TNP2: variants seen among roughly 807,000 people sequenced by gnomAD.
The protein encoded by TNP2 is nuclear transition protein 2.
A neutral mutation model predicts 8.5 loss-of-function variants in TNP2; 10 were observed. The observed-to-expected ratio is 1.17, with a 90% CI of 0.72 to 1.99. TNP2 has a LOEUF of 1.99. Ranked by LOEUF, TNP2 falls within the 30% of genes most tolerant of loss-of-function variation. TNP2 has a pLI of 0.00. For synonymous variants in TNP2, 80 were observed against 62.3 expected (o/e 1.28, Z -1.34); for missense variants, 222 against 181.2 (o/e 1.23, Z -1.29).
chr16:11,268,735 C>A, intron 1 of TNP2, 128 bp downstream of exon 1: 2 of 977,994 alleles, frequency 2.0e-6, no homozygotes, highest in Non-Finnish European at 1.4e-6. Context: ...CATTGTTTCT[C>A]TTCTCCCTCT....
At position 11,269,036 on chromosome 16, in the gene TNP2, C is replaced by G. The variant is rs2069749986; in HGVS notation, c.227G>C (p.Ser76Thr). ...CTTTTTGTGGCGCTTTGGTGGTGGA[C>G]TAGTGTTGGGACTCTGGCTCTGGTG... is the stretch of plus-strand genomic sequence containing the variant. Reference protein sequence around the residue: ...SGHQSQSPNTSPPPKRHKKTM... With the variant: ...SGHQSQSPNTTPPPKRHKKTM... The change falls in exon 1 of 2, where the codon AGT becomes ACT. Residue 76 changes from serine (S) to threonine (T), a missense_variant. By Grantham distance (58) the Ser-to-Thr change is moderately conservative. Transcript: ENST00000312693. 1 of 1,613,810 alleles carries G rather than the reference C, an allele frequency of 6.2e-7. No homozygotes were observed. The highest frequency in any genetic ancestry group is 8.5e-7 in the Non-Finnish European group (1 of 1,179,860).
chr16:11,268,202 C>A lies in TNP2; in HGVS notation c.401-190G>T. 2.4e-5 allele frequency: 13 copies of A among 548,942 alleles called. No homozygotes were observed. In the South Asian group the frequency reaches 3.0e-4, roughly 13 times the overall value. The allele number at this position is 548,942 out of a possible 1,614,324, so 34.0% of individuals were successfully genotyped here. A position where few individuals can be genotyped will look rare whatever the true frequency, so the allele number is the denominator to read the frequency against. On this transcript the variant is annotated intron_variant, in intron 1 of 1. Transcript: ENST00000312693. ...CAGGTATCCATCCATTTATCCCTTC[C>A]ATTTGTCATCCACCCATTCATTAGT...
chr16:11,268,351 T>C (rs2069736763), intron 1 of TNP2: 2 of 274,822 alleles, frequency 7.3e-6, no homozygotes, highest in Non-Finnish European at 1.4e-5. Flanking sequence ...ATTTAACCAA[T>C]CAAACCAACC....
chr16:11,267,923 G>C lies in TNP2; in HGVS notation c.*73C>G. 1 of 1,509,802 alleles carries C rather than the reference G, an allele frequency of 6.6e-7. No individual in the cohort carries two copies. Among genetic ancestry groups the C allele is most frequent in the African/African-American group, 1.4e-5 (1 of 72,980 alleles). 93.5% of individuals were successfully genotyped at this position (1,509,802 alleles called of 1,614,324 possible). A position where few individuals can be genotyped will look rare whatever the true frequency, so the allele number is the denominator to read the frequency against. ...TCACCATAGTAACATGTTCCTGCAA[G>C]AAGATTGACTTCATCCTAGCATTTT... On this transcript the variant is annotated 3_prime_UTR_variant, in exon 2 of 2. Transcript: ENST00000312693.
At chr16:11,268,759 T>G (rs748931720) in intron 1 of TNP2, 104 bp downstream of exon 1, 86 of 1,236,706 alleles carry the variant, frequency 7.0e-5, no homozygotes, top group Admixed American at 9.7e-5. Flanking sequence ...TTCTTGCCTG[T>G]GGTTCCTTTG....
chr16:11,268,768 T>G (rs2069743717), intron 1 of TNP2, 95 bp downstream of exon 1: 1 of 1,355,058 alleles, frequency 7.4e-7, no homozygotes, highest in South Asian at 1.6e-5. Flanking sequence ...GTGGTTCCTT[T>G]GTGACCTGGC....
intron 1 of TNP2, chr16:11,268,570 G>T: frequency 2.3e-6 from 1 of 433,758 alleles, no homozygotes; most frequent in Non-Finnish European, 4.1e-6. Flanking sequence ...CCTATTTATT[G>T]TTTACCCACC....
Position 11,268,946 on chromosome 16 carries a change from C to G in TNP2, c.317G>C (p.Arg106Thr). 1 of 1,611,586 alleles carries G rather than the reference C, an allele frequency of 6.2e-7. No homozygotes were observed. Among genetic ancestry groups the G allele is most frequent in the Non-Finnish European group, 8.5e-7 (1 of 1,179,248 alleles). ...TILHCRCPKNRKNLEGKLKKK... is the reference protein window; with the variant it reads ...TILHCRCPKNTKNLEGKLKKK... ...TTTCAGCTTGCCTTCCAAGTTCTTT[C>G]TGTTCTTGGGGCAGCGGCAGTGCAG... Residue 106 changes from arginine to threonine, a missense_variant, in exon 1 of 2, where the codon AGA becomes ACA. Physicochemically the swap from Arg to Thr is moderately conservative, Grantham distance 71. Coordinates refer to ENST00000312693, the MANE Select transcript of TNP2 (RefSeq NM_005425.5).
At chr16:11,268,720 A>C in intron 1 of TNP2, 143 bp downstream of exon 1, 2 of 858,570 alleles carry the variant, frequency 2.3e-6, no homozygotes, top group South Asian at 2.2e-5. Flanking sequence ...CAGCTAGCCA[A>C]CTGCCATTGT....
In TNP2 at chr16:11,269,071, G is replaced by A; in HGVS notation, c.192C>T (p.Ser64=). The A allele has an allele frequency of 1.2e-6, 2 of 1,613,998 alleles. No homozygotes were observed. The highest frequency in any genetic ancestry group is 1.7e-4 in the Middle Eastern group (1 of 6,060). ...ASHRNPTGAH[S]SSGHQSQSPN... ...GACTCTGGCTCTGGTGGCCGGATGAGCTGTGGGCTCCAGTTGGGTTGCGGT... is the reference window on the plus strand; with the variant it reads ...GACTCTGGCTCTGGTGGCCGGATGAACTGTGGGCTCCAGTTGGGTTGCGGT... The change falls in exon 1 of 2, where the codon AGC becomes AGT. Residue 64 remains serine (S), a synonymous_variant. Coordinates refer to ENST00000312693, the MANE Select transcript of TNP2 (RefSeq NM_005425.5).
At chr16:11,268,038 C>T (rs8043625) in intron 1 of TNP2, 26 bp from the exon 2 acceptor site, 1 of 1,609,952 alleles carries the variant, frequency 6.2e-7, no homozygotes. Context: ...GGGAAAGGAA[C>T]CTTTAATAGC....
At chr16:11,268,425 C>G (rs1416288173) in intron 1 of TNP2, 2 of 304,400 alleles carry the variant, frequency 6.6e-6, no homozygotes, top group Non-Finnish European at 1.2e-5. Flanking sequence ...CCACAATCTT[C>G]AAACTGATCA....
chr16:11,269,259 C>T lies in TNP2; in HGVS notation c.4G>A (p.Asp2Asn), dbSNP rs370050204. The T allele has an allele frequency of 1.4e-4, 226 of 1,597,788 alleles. No individual in the cohort carries two copies. The highest frequency in any genetic ancestry group is 1.7e-4 in the Non-Finnish European group (195 of 1,177,552). The change falls in exon 1 of 2, where the codon GAC becomes AAC. Residue 2 changes from aspartate to asparagine, a missense_variant. Asp to Asn is a conservative substitution (Grantham distance 23). Transcript: ENST00000312693. Reference sequence around the variant, plus strand: ...ATAGGAAGGCTGTGAGTCTGGGTGTCCATAGGAGGCCACGTTTGGAGGGGC... The same window carrying T: ...ATAGGAAGGCTGTGAGTCTGGGTGTTCATAGGAGGCCACGTTTGGAGGGGC... Reference protein sequence around the residue: MDTQTHSLPITH... With the variant: MNTQTHSLPITH...
At chr16:11,268,756 C>G in intron 1 of TNP2, 107 bp downstream of exon 1, 1 of 1,212,262 alleles carries the variant, frequency 8.2e-7, no homozygotes. Context: ...TCCTTCTTGC[C>G]TGTGGTTCCT....
At chr16:11,268,774 C>G (rs1171814333) in intron 1 of TNP2, 89 bp downstream of exon 1, 55 of 1,389,750 alleles carry the variant, frequency 4.0e-5, no homozygotes, top group Non-Finnish European at 5.2e-5. Flanking sequence ...CCTTTGTGAC[C>G]TGGCTGCAGC....
chr16:11,268,080 A>G, intron 1 of TNP2, 68 bp from the exon 2 acceptor site: 2 of 1,496,022 alleles, frequency 1.3e-6, no homozygotes, highest in Non-Finnish European at 1.9e-6. Context: ...GACCTCCTTG[A>G]CCTCCTGTAA....
At position 11,268,942 on chromosome 16, in the gene TNP2, C is replaced by T. The variant is rs1035439083; in HGVS notation, c.321G>A (p.Lys107=). The T allele has an allele frequency of 6.2e-7, 1 of 1,611,298 alleles. No homozygotes were observed. Among genetic ancestry groups the T allele is most frequent in the Non-Finnish European group, 8.5e-7 (1 of 1,179,198 alleles). ...ILHCRCPKNR[K]NLEGKLKKKK... ...TCTTTTTCAGCTTGCCTTCCAAGTTCTTTCTGTTCTTGGGGCAGCGGCAGT... is the reference window on the plus strand; with the variant it reads ...TCTTTTTCAGCTTGCCTTCCAAGTTTTTTCTGTTCTTGGGGCAGCGGCAGT... The change falls in exon 1 of 2, where the codon AAG becomes AAA. Residue 107 remains lysine (K), a synonymous_variant. Transcript: ENST00000312693.
In TNP2 at chr16:11,268,032, A is replaced by G; in HGVS notation, c.401-20T>C. On this transcript the variant is annotated intron_variant, in intron 1 of 1. Transcript: ENST00000312693. ...TCCATCCTAAGGGATAAGAGTGGGA[A>G]AGGAACCTTTAATAGCTGAGCACTT... 2 of 1,612,094 alleles carry G rather than the reference A, an allele frequency of 1.2e-6. No individual in the cohort carries two copies. The highest frequency in any genetic ancestry group is 2.2e-5 in the South Asian group (2 of 90,450).
chr16:11,268,784 C>A, intron 1 of TNP2, 79 bp downstream of exon 1: 5 of 1,439,168 alleles, frequency 3.5e-6, no homozygotes, highest in Non-Finnish European at 4.6e-6. Context: ...CTGGCTGCAG[C>A]CTTCCTCTCA....
Sources: allele counts gnomAD v4.1 joint callset, GRCh38; gene constraint gnomAD v4.1.1; transcripts MANE v1.5; gene names NCBI Gene and HGNC (gene_info 2026-07-23, HGNC 2026-07-21).